PACRG: variants seen among roughly 807,000 people sequenced by gnomAD.
PACRG encodes parkin coregulated gene protein.
A neutral mutation model predicts 29.7 loss-of-function variants in PACRG; 29 were observed. The observed-to-expected ratio is 0.98, with a 90% CI of 0.73 to 1.33. PACRG has a LOEUF of 1.33. Among genes scored for constraint, PACRG ranks in the 40% most tolerant of loss-of-function variants. The pLI, the probability that PACRG is intolerant of heterozygous loss-of-function variation, is 0.00. For synonymous variants in PACRG, 116 were observed against 118.7 expected, an observed-to-expected ratio of 0.98 and a Z score of 0.15; for missense variants, 279 against 316.2, an observed-to-expected ratio of 0.88 and a Z score of 0.89.
intron 4 of PACRG, among the ~76,000 whole-genome samples, chr6:163,246,968 C>T (rs777676506): frequency 6.6e-6 from 1 of 152,204 alleles, no homozygotes; most frequent in Non-Finnish European, 1.5e-5. Context: ...GCAATGTCCT[C>T]AGCAGTATTT....
At chr6:163,248,407 C>CT (rs2128171154) in intron 4 of PACRG, among the ~76,000 whole-genome samples, 1 of 124,140 alleles carries the variant, frequency 8.1e-6, no homozygotes, top group Non-Finnish European at 1.7e-5. Flanking sequence ...GTTTGCGGGG[C>CT]AAGAGGGGAG....
chr6:163,144,778 A>C (rs1015546113), intron 4 of PACRG, among the ~76,000 whole-genome samples: 1 of 152,200 alleles, frequency 6.6e-6, no homozygotes, highest in African/African-American at 2.4e-5. Context: ...CAAAAGAAAA[A>C]AAAAGTAAGC....
At chr6:163,201,241 C>T (rs754904402) in intron 4 of PACRG, among the ~76,000 whole-genome samples, 1 of 152,202 alleles carries the variant, frequency 6.6e-6, no homozygotes, top group Non-Finnish European at 1.5e-5. Flanking sequence ...CACAAACCCA[C>T]TTCCACTTCA....
intron 4 of PACRG, among the ~76,000 whole-genome samples, chr6:163,139,811 C>T (rs1817081759): frequency 6.6e-6 from 1 of 152,294 alleles, no homozygotes; most frequent in East Asian, 1.9e-4. Context: ...CAACAATTTT[C>T]CCAACCTTGT....
At chr6:163,010,853 C>A (rs558135317) in intron 2 of PACRG, among the ~76,000 whole-genome samples, 1 of 152,120 alleles carries the variant, frequency 6.6e-6, no homozygotes, top group South Asian at 2.1e-4. Context: ...AACAATAACC[C>A]GAGAGGCTGT....
At chr6:162,764,786 C>T (rs112205303) in intron 1 of PACRG, among the ~76,000 whole-genome samples, 1,523 of 151,726 alleles carry the variant, frequency 0.01, 22 homozygotes, top group African/African-American at 0.034. Context: ...CTCTGTTGCC[C>T]AGGCTGGAGT....
chr6:162,850,827 C>A (rs1305780865), intron 2 of PACRG, among the ~76,000 whole-genome samples: 3 of 152,228 alleles, frequency 2.0e-5, no homozygotes, highest in Non-Finnish European at 4.4e-5. Flanking sequence ...GTTGAGGAAA[C>A]TCCAGCTTGA....
chr6:163,057,815 G>T (rs1248594371), intron 2 of PACRG, among the ~76,000 whole-genome samples: 2 of 152,168 alleles, frequency 1.3e-5, no homozygotes, highest in African/African-American at 4.8e-5. Flanking sequence ...GTTAGTAAAT[G>T]ACATTCTTTA....
intron 4 of PACRG, among the ~76,000 whole-genome samples, chr6:163,291,657 C>G (rs968728027): frequency 6.6e-6 from 1 of 152,238 alleles, no homozygotes; most frequent in Non-Finnish European, 1.5e-5. Context: ...AACTTCAGAA[C>G]GTGGTATTTG....
chr6:162,863,640 C>T (rs571866055), intron 2 of PACRG, among the ~76,000 whole-genome samples: 2 of 152,282 alleles, frequency 1.3e-5, no homozygotes, highest in Admixed American at 6.5e-5. Flanking sequence ...TATAGAACAT[C>T]GATGCTGCGG....
At chr6:163,101,413 C>T (rs1585214564) in intron 4 of PACRG, 43 of 965,498 alleles carry the variant, frequency 4.5e-5, no homozygotes, top group Non-Finnish European at 5.2e-5. Context: ...CTGAATGTTA[C>T]ATATGTTTGT....
chr6:163,296,164 T>C (rs138819946), intron 4 of PACRG, among the ~76,000 whole-genome samples: 130 of 152,322 alleles, frequency 8.5e-4, no homozygotes, highest in African/African-American at 3.1e-3. Flanking sequence ...TGCTATCTTA[T>C]AGTGGTCAGG....
chr6:163,162,597 C>T (rs1172056661), intron 4 of PACRG, among the ~76,000 whole-genome samples: 3 of 152,352 alleles, frequency 2.0e-5, no homozygotes, highest in East Asian at 3.9e-4. Flanking sequence ...CCAAGAAAGA[C>T]CCCAGTTCAC....
intron 2 of PACRG, among the ~76,000 whole-genome samples, chr6:162,859,006 T>A (rs1434379366): frequency 2.0e-5 from 3 of 152,148 alleles, no homozygotes; most frequent in African/African-American, 7.2e-5. Flanking sequence ...CTTAAAACAG[T>A]ACACAAAGGT....
intron 4 of PACRG, among the ~76,000 whole-genome samples, chr6:163,253,077 A>G (rs1266210757): frequency 6.6e-6 from 1 of 152,124 alleles, no homozygotes; most frequent in Non-Finnish European, 1.5e-5. Flanking sequence ...CAGGCAGATC[A>G]CTTGAGGCCA....
chr6:163,265,179 G>A (rs1783481577), intron 4 of PACRG, among the ~76,000 whole-genome samples: 1 of 152,168 alleles, frequency 6.6e-6, no homozygotes, highest in African/African-American at 2.4e-5. Context: ...ATAGTATGTT[G>A]TAGATAATTT....
At chr6:162,838,545 C>G (rs1383166123) in intron 2 of PACRG, among the ~76,000 whole-genome samples, 1 of 152,100 alleles carries the variant, frequency 6.6e-6, no homozygotes, top group Non-Finnish European at 1.5e-5. Context: ...ATGGTCTGAA[C>G]AGTGAGTCTT....
intron 2 of PACRG, among the ~76,000 whole-genome samples, chr6:162,977,333 T>C (rs1350924526): frequency 2.6e-5 from 4 of 151,996 alleles, no homozygotes; most frequent in Non-Finnish European, 5.9e-5. Context: ...GTCCTTCTTC[T>C]GAACTAAAAG....
intron 2 of PACRG, among the ~76,000 whole-genome samples, chr6:162,864,009 T>C (rs12198098): frequency 1.4e-3 from 209 of 152,290 alleles, no homozygotes; most frequent in Middle Eastern, 3.4e-3. Flanking sequence ...GTTTTCTCTA[T>C]GGAGCCAAGG....
Sources: allele counts gnomAD v4.1 joint callset (sites outside exome capture counted in the v4.1 genomes callset), GRCh38; gene constraint gnomAD v4.1.1; transcripts MANE v1.5; gene names NCBI Gene and HGNC (gene_info 2026-07-23, HGNC 2026-07-21).